The following VPS13B variants were observed in gnomAD, a reference collection of about 807,000 sequenced individuals.
The protein encoded by VPS13B is intermembrane lipid transfer protein VPS13B.
VPS13B carries 285 observed loss-of-function variants against 426.4 expected under a neutral mutation model. The ratio of observed to expected loss-of-function variants is 0.67; its 90% CI spans 0.61 to 0.74. The LOEUF is 0.74. Among genes scored for constraint, VPS13B ranks in the 30% least tolerant of loss-of-function variants. VPS13B has a pLI of 0.00. For missense variants in VPS13B, 4,537 were observed against 4,782.6 expected (o/e 0.95, Z 1.51); for synonymous variants, 1,676 against 1,676.4 (o/e 1.00, Z 0.01).
intron 19 of VPS13B, among the ~76,000 whole-genome samples, chr8:99,365,232 A>G (rs1207498106): frequency 6.8e-6 from 1 of 147,974 alleles, no homozygotes; most frequent in East Asian, 2.0e-4. Flanking sequence ...ATATTATTTC[A>G]TTGATCTTTT....
chr8:99,062,739 G>T (rs1038608064), intron 3 of VPS13B, among the ~76,000 whole-genome samples: 3 of 152,140 alleles, frequency 2.0e-5, no homozygotes. Context: ...AAAGTGCTGG[G>T]ATTATAGGTG....
chr8:99,797,226 G>A (rs1588719209), intron 43 of VPS13B: 1 of 151,886 alleles, frequency 6.6e-6, no homozygotes, highest in Middle Eastern at 3.4e-3. Flanking sequence ...GCTGATAAGT[G>A]TTCCTTTATT....
At chr8:99,542,449 C>T (rs1247875389) in intron 30 of VPS13B, among the ~76,000 whole-genome samples, 1 of 151,886 alleles carries the variant, frequency 6.6e-6, no homozygotes, top group Non-Finnish European at 1.5e-5. Flanking sequence ...GCAAATAGGC[C>T]AGGTAGAGGA....
chr8:99,778,488 AAC>A (rs945842007), intron 41 of VPS13B, among the ~76,000 whole-genome samples, 192 bp from the exon 42 acceptor site: 2 of 152,200 alleles, frequency 1.3e-5, no homozygotes, highest in African/African-American at 4.8e-5. Context: ...AATTGAACAA[AAC>A]AGTTTTGTTT....
At chr8:99,661,817 GT>G (rs1830237749) in intron 35 of VPS13B, among the ~76,000 whole-genome samples, 1 of 151,978 alleles carries the variant, frequency 6.6e-6, no homozygotes, top group Admixed American at 6.6e-5. Flanking sequence ...CTATACTTCA[GT>G]TTTCTTACCT....
chr8:99,593,781 A>G (rs567401087), intron 33 of VPS13B, among the ~76,000 whole-genome samples: 27 of 152,242 alleles, frequency 1.8e-4, no homozygotes, highest in Non-Finnish European at 7.4e-5. Flanking sequence ...GTTTAAAGCC[A>G]TTATGCTCAG....
intron 12 of VPS13B, among the ~76,000 whole-genome samples, chr8:99,138,831 G>A (rs914221123): frequency 6.6e-6 from 1 of 152,162 alleles, no homozygotes; most frequent in Non-Finnish European, 1.5e-5. Context: ...TGCATGTGCT[G>A]TGGATTCCAT....
chr8:99,141,880 T>TAAA (rs371079413), intron 12 of VPS13B, among the ~76,000 whole-genome samples: 3 of 109,926 alleles, frequency 2.7e-5, no homozygotes, highest in South Asian at 3.0e-4. Flanking sequence ...CTGTCTCTAC[T>TAAA]AAAAAAAAAA....
At chr8:99,482,238 C>T (rs1820077412) in intron 25 of VPS13B, among the ~76,000 whole-genome samples, 1 of 152,070 alleles carries the variant, frequency 6.6e-6, no homozygotes, top group Admixed American at 6.6e-5. Context: ...TCTCCTCTTC[C>T]TCCCAATTAT....
chr8:99,091,576 G>A (rs1846150651), intron 3 of VPS13B, among the ~76,000 whole-genome samples: 1 of 152,074 alleles, frequency 6.6e-6, no homozygotes, highest in South Asian at 2.1e-4. Flanking sequence ...TTTAAATATT[G>A]CTGTTAAGGT....
intron 21 of VPS13B, among the ~76,000 whole-genome samples, chr8:99,418,470 T>TCTTG (rs1816167022): frequency 7.2e-6 from 1 of 138,670 alleles, no homozygotes; most frequent in Non-Finnish European, 1.5e-5. Context: ...TTTCTTTCTT[T>TCTTG]CTTTCTTTCT....
Position 99,134,718 on chromosome 8 carries a change from T to G in VPS13B, c.1293T>G (p.Thr431=), listed in dbSNP as rs77759532. The G allele has an allele frequency of 2.3e-3, 3,764 of 1,606,554 alleles. 65 individuals are homozygous for G. In the African/African-American group the frequency reaches 0.043, roughly 18 times the overall value. The change falls in exon 9 of 62, where the codon ACT becomes ACG. Residue 431 remains threonine (T), a synonymous_variant. Coordinates refer to ENST00000357162, the MANE Select transcript of VPS13B (RefSeq NM_152564.5). ...KEVLCWEQEG[T]TVEALMMGEP... ...TATTGTGTTGGGAACAAGAAGGAACTACAGTTGAGGTAATCTTTCAATATT... is the reference window on the plus strand; with the variant it reads ...TATTGTGTTGGGAACAAGAAGGAACGACAGTTGAGGTAATCTTTCAATATT...
At chr8:99,420,451 G>A (rs72674616) in intron 21 of VPS13B, among the ~76,000 whole-genome samples, 10,996 of 152,108 alleles carry the variant, frequency 0.072, 480 homozygotes, top group African/African-American at 0.12. Context: ...AGATGTTTTC[G>A]TATAAATCAT....
intron 17 of VPS13B, among the ~76,000 whole-genome samples, chr8:99,214,655 G>A (rs986487595): frequency 3.3e-5 from 5 of 151,972 alleles, no homozygotes. Context: ...CAAATACCAG[G>A]TGTTGTCCAA....
At chr8:99,436,626 A>G (rs1396725428) in intron 22 of VPS13B, among the ~76,000 whole-genome samples, 1 of 152,196 alleles carries the variant, frequency 6.6e-6, no homozygotes, top group Admixed American at 6.5e-5. Flanking sequence ...TAAACATACT[A>G]TATATTTAAA....
At chr8:99,461,741 A>G (rs1818842636) in intron 23 of VPS13B, among the ~76,000 whole-genome samples, 1 of 152,130 alleles carries the variant, frequency 6.6e-6, no homozygotes, top group Admixed American at 6.6e-5. Flanking sequence ...GAAGAATTAC[A>G]CTTTTTCAGA....
At chr8:99,345,025 A>G (rs1811461713) in intron 19 of VPS13B, among the ~76,000 whole-genome samples, 2 of 152,058 alleles carry the variant, frequency 1.3e-5, no homozygotes, top group Admixed American at 6.5e-5. Flanking sequence ...AGTCTTGCCC[A>G]TCTCATTCTT....
intron 17 of VPS13B, chr8:99,233,681 T>C (rs972859845): frequency 3.7e-6 from 3 of 815,966 alleles, no homozygotes; most frequent in African/African-American, 3.4e-5. Context: ...GATGGTTCTT[T>C]CCGGGTTGCA....
At position 99,793,254 on chromosome 8, in the gene VPS13B, C is replaced by CATATATATATATATATAT. The variant is rs779913773; in HGVS notation, c.7941+8792_7941+8809dup. On this transcript the variant is annotated intron_variant, in intron 43 of 61. Coordinates refer to ENST00000357162, the MANE Select transcript of VPS13B (RefSeq NM_152564.5). Reference sequence around the variant, plus strand: ...TTTGGAGACAGGGTCTTGCCCTCTCCATATATATATATATATATATATATA... The same window carrying CATATATATATATATATAT: ...TTTGGAGACAGGGTCTTGCCCTCTCCATATATATATATATATATATATATATATATATATATATATATA... Among the ~76,000 whole-genome samples, 531 of 106,816 alleles carry CATATATATATATATATAT rather than the reference C, an allele frequency of 5.0e-3. 5 individuals carry two copies. Among genetic ancestry groups the CATATATATATATATATAT allele is most frequent in the African/African-American group, 8.0e-3 (223 of 27,766 alleles). 70.1% of individuals were successfully genotyped at this position (106,816 alleles called of 152,430 possible).
Sources: gnomAD v4.1 joint callset for allele counts (sites outside exome capture counted in the v4.1 genomes callset) on GRCh38, gnomAD v4.1.1 for gene constraint, MANE v1.5 for transcripts, NCBI Gene and HGNC (gene_info 2026-07-23, HGNC 2026-07-21) for gene names.